The following ZNF385D variants were observed in gnomAD, a reference collection of about 807,000 sequenced individuals.
The protein encoded by ZNF385D is zinc finger protein 385D.
Under a neutral mutation model 35.8 loss-of-function variants are expected in ZNF385D, and 15 were observed. That is an observed-to-expected ratio of 0.42 (90% CI 0.28 to 0.64). The LOEUF (loss-of-function observed/expected upper bound fraction) is 0.64. Ranked by LOEUF, ZNF385D falls within the 30% of genes least tolerant of loss-of-function variation. ZNF385D has a pLI of 0.23. For synonymous variants in ZNF385D, 212 were observed against 186.8 expected (o/e 1.13, Z -1.10); for missense variants, 474 against 494.6 (o/e 0.96, Z 0.39).
intron 3 of ZNF385D, among the ~76,000 whole-genome samples, chr3:21,885,426 GA>G (rs1226955108): frequency 2.6e-5 from 4 of 151,708 alleles, no homozygotes; most frequent in East Asian, 1.9e-4. Flanking sequence ...AAAATTTGAT[GA>G]AAAAAATAGT....
intron 3 of ZNF385D, among the ~76,000 whole-genome samples, chr3:21,928,573 A>G (rs977156172): frequency 6.6e-6 from 1 of 152,162 alleles, no homozygotes; most frequent in Non-Finnish European, 1.5e-5. Flanking sequence ...TGTTATTTGA[A>G]AAGGTTAAAA....
At chr3:22,170,436 T>C (rs1274378003) in intron 2 of ZNF385D, among the ~76,000 whole-genome samples, 1 of 152,234 alleles carries the variant, frequency 6.6e-6, no homozygotes, top group African/African-American at 2.4e-5. Context: ...AAATGGCTAA[T>C]ACTTGAATCT....
At chr3:22,319,236 T>C (rs1704065265) in intron 2 of ZNF385D, among the ~76,000 whole-genome samples, 1 of 152,068 alleles carries the variant, frequency 6.6e-6, no homozygotes, top group African/African-American at 2.4e-5. Context: ...CAAATATTTG[T>C]CAAACATTAA....
chr3:21,813,208 G>A (rs1318523020), intron 3 of ZNF385D, among the ~76,000 whole-genome samples: 1 of 151,570 alleles, frequency 6.6e-6, no homozygotes, highest in Non-Finnish European at 1.5e-5. Context: ...ACCATCATCA[G>A]AGACCAAAGG....
chr3:21,785,813 C>T (rs1038349500), intron 3 of ZNF385D, among the ~76,000 whole-genome samples: 4 of 152,088 alleles, frequency 2.6e-5, no homozygotes, highest in African/African-American at 7.2e-5. Flanking sequence ...GTTTCATGAC[C>T]CATGGAGAAA....
chr3:21,626,054 A>G (rs2065125740), intron 2 of ZNF385D, among the ~76,000 whole-genome samples: 1 of 152,112 alleles, frequency 6.6e-6, no homozygotes, highest in African/African-American at 2.4e-5. Flanking sequence ...AGATGAGGAA[A>G]CTATTAATAA....
intron 1 of ZNF385D, among the ~76,000 whole-genome samples, chr3:21,671,097 C>A (rs79100792): frequency 0.024 from 3,595 of 152,060 alleles, 140 homozygotes; most frequent in African/African-American, 0.082. Flanking sequence ...GCATGTACAT[C>A]TTCTACTTTC....
At position 22,029,243 on chromosome 3, in the gene ZNF385D, T is replaced by TTG. The variant is rs1380663953; in HGVS notation, c.325+139573_325+139574insCA. Among the ~76,000 whole-genome samples the TTG allele has an allele frequency of 4.7e-4, 72 of 152,298 alleles. 2 individuals are homozygous for TTG. The East Asian group carries it at 0.013, about 27-fold the overall frequency. On this transcript the variant is annotated intron_variant, in intron 3 of 5. Transcript: ENST00000494108. ...GTTGGTTTGGGTGACTTACTTGCAC[T>TTG]ATCAAGATGAAATTAATCTATTACT... is the stretch of plus-strand genomic sequence containing the variant.
intron 2 of ZNF385D, among the ~76,000 whole-genome samples, chr3:21,632,436 C>T (rs1170856006): frequency 6.6e-6 from 1 of 152,002 alleles, no homozygotes; most frequent in Non-Finnish European, 1.5e-5. Context: ...GAGTCTATAT[C>T]ATTAGTTTAA....
chr3:22,350,367 C>T (rs1298362783), intron 2 of ZNF385D, among the ~76,000 whole-genome samples: 1 of 152,020 alleles, frequency 6.6e-6, no homozygotes, highest in South Asian at 2.1e-4. Flanking sequence ...GATGGGATTA[C>T]CCATGTGTTT....
intron 3 of ZNF385D, among the ~76,000 whole-genome samples, chr3:22,167,151 A>G (rs924920808): frequency 1.3e-5 from 2 of 152,214 alleles, no homozygotes; most frequent in Non-Finnish European, 2.9e-5. Flanking sequence ...AGTCAAATCC[A>G]TGGACTGGAC....
At chr3:22,105,066 G>C (rs899673533) in intron 3 of ZNF385D, among the ~76,000 whole-genome samples, 2 of 152,212 alleles carry the variant, frequency 1.3e-5, no homozygotes, top group South Asian at 4.1e-4. Context: ...TTAAAATGTA[G>C]TATTTTTTAT....
At chr3:21,832,221 T>G (rs563518274) in intron 3 of ZNF385D, among the ~76,000 whole-genome samples, 78 of 152,256 alleles carry the variant, frequency 5.1e-4, no homozygotes, top group Non-Finnish European at 1.0e-3. Flanking sequence ...CTTTCATTTT[T>G]AAAAGATCCA....
chr3:21,989,244 C>T (rs775339226), intron 3 of ZNF385D, among the ~76,000 whole-genome samples: 1 of 152,184 alleles, frequency 6.6e-6, no homozygotes, highest in Non-Finnish European at 1.5e-5. Context: ...CCTTACATAT[C>T]AAAGCTCAAC....
intron 3 of ZNF385D, among the ~76,000 whole-genome samples, chr3:22,075,483 C>T (rs1490426426): frequency 1.3e-5 from 2 of 151,766 alleles, no homozygotes; most frequent in Non-Finnish European, 1.5e-5. Flanking sequence ...CCTCATCATC[C>T]CTCTTCACTT....
intron 2 of ZNF385D, among the ~76,000 whole-genome samples, chr3:22,324,932 C>A (rs1183205124): frequency 6.6e-6 from 1 of 152,148 alleles, no homozygotes; most frequent in Non-Finnish European, 1.5e-5. Context: ...TAACACTTAC[C>A]ATCTGTATGA....
intron 2 of ZNF385D, among the ~76,000 whole-genome samples, chr3:22,284,357 C>T (rs971342990): frequency 1.3e-5 from 2 of 151,498 alleles, no homozygotes; most frequent in African/African-American, 4.8e-5. Context: ...CCCGGCTATT[C>T]TTTTTTTTAT....
chr3:22,265,912 T>C (rs986500864), intron 2 of ZNF385D, among the ~76,000 whole-genome samples: 6 of 152,038 alleles, frequency 3.9e-5, no homozygotes, highest in Admixed American at 2.0e-4. Context: ...CGTAATTAAG[T>C]TATGATCTGA....
intron 1 of ZNF385D, among the ~76,000 whole-genome samples, chr3:21,694,230 A>G (rs1169662151): frequency 1.3e-5 from 2 of 151,558 alleles, no homozygotes; most frequent in African/African-American, 4.9e-5. Flanking sequence ...TTTTCAGTGG[A>G]GACGGGGTTT....
Sources: gnomAD v4.1 joint callset for allele counts (sites outside exome capture counted in the v4.1 genomes callset) on GRCh38, gnomAD v4.1.1 for gene constraint, MANE v1.5 for transcripts, NCBI Gene and HGNC (gene_info 2026-07-23, HGNC 2026-07-21) for gene names.